Variants in FGF12 observed in about 807,000 individuals in gnomAD.
The protein encoded by FGF12 is fibroblast growth factor 12, also known as fibroblast growth factor 12B.
FGF12 carries 14 observed loss-of-function variants against 23.6 expected under a neutral mutation model. The ratio of observed to expected loss-of-function variants is 0.59; its 90% CI spans 0.39 to 0.93. The LOEUF (loss-of-function observed/expected upper bound fraction) is 0.93, where lower values mean the gene tolerates loss of function less well. FGF12 is among the 40% of genes least tolerant of loss of function. The probability of loss-of-function intolerance (pLI) is 0.00; values close to 1 mark genes in which losing one functional copy is unlikely to be tolerated. For synonymous variants in FGF12, 62 were observed against 77.3 expected (o/e 0.80, Z 1.04); for missense variants, 175 against 217.8 (o/e 0.80, Z 1.24).
At chr3:192,547,539 C>A (rs757129124) in intron 2 of FGF12, among the ~76,000 whole-genome samples, 20 of 152,084 alleles carry the variant, frequency 1.3e-4, no homozygotes, top group Non-Finnish European at 2.5e-4. Flanking sequence ...AGGTTATTAT[C>A]TTTACAATGG....
At chr3:192,155,396 A>C (rs1004010555) in intron 5 of FGF12, among the ~76,000 whole-genome samples, 11 of 152,334 alleles carry the variant, frequency 7.2e-5, no homozygotes, top group Non-Finnish European at 1.2e-4. Context: ...CGTAGGAATA[A>C]ATCTAGCTGA....
rs186374886 is a variant in FGF12 at position 192,353,981 on chromosome 3, T to A, written c.124+6447A>T. On this transcript the variant is annotated intron_variant, in intron 3 of 5. Coordinates refer to ENST00000445105, the MANE Select transcript of FGF12 (RefSeq NM_004113.6). Reference sequence around the variant, plus strand: ...AATTTTCCTCAGCTAACCATTTGGATCATACTTCTGTTCATAGTTTAGCAA... The same window carrying A: ...AATTTTCCTCAGCTAACCATTTGGAACATACTTCTGTTCATAGTTTAGCAA... 4.1e-4 allele frequency among the ~76,000 whole-genome samples: 62 copies of A among 152,366 alleles called. No individual in the cohort carries two copies. The East Asian group carries it at 0.011, about 27-fold the overall frequency.
intron 2 of FGF12, among the ~76,000 whole-genome samples, chr3:192,582,465 C>T (rs986839619): frequency 2.0e-5 from 3 of 152,094 alleles, no homozygotes; most frequent in South Asian, 2.1e-4. Flanking sequence ...GATGGGCTGA[C>T]GTTTGACAAG....
Position 192,220,794 on chromosome 3 carries a change from A to G in FGF12, c.229-50138T>C, listed in dbSNP as rs1330992390. Among the ~76,000 whole-genome samples, 3 of 152,302 alleles carry G rather than the reference A, an allele frequency of 2.0e-5. No individual in the cohort carries two copies. In the East Asian group the frequency reaches 5.8e-4, roughly 29 times the overall value. On this transcript the variant is annotated intron_variant, in intron 4 of 5. Coordinates refer to ENST00000445105, the MANE Select transcript of FGF12 (RefSeq NM_004113.6). ...TTGGGGGTATAAATATGTTTTTTAAAAGTTTCTTTGAAGGATTTTTGAACA... is the reference window on the plus strand; with the variant it reads ...TTGGGGGTATAAATATGTTTTTTAAGAGTTTCTTTGAAGGATTTTTGAACA...
At position 192,714,513 on chromosome 3, in the gene FGF12, A is replaced by ATTTTTTTTTTTTTTT. The variant is rs770781442; in HGVS notation, c.13+12653_13+12667dup. Among the ~76,000 whole-genome samples, 64 of 99,754 alleles carry ATTTTTTTTTTTTTTT rather than the reference A, an allele frequency of 6.4e-4. 7 individuals carry two copies. The highest frequency in any genetic ancestry group is 2.5e-3 in the African/African-American group (60 of 23,682). The allele number at this position is 99,754 out of a possible 152,430, so 65.4% of individuals were successfully genotyped here. A position where few individuals can be genotyped will look rare whatever the true frequency, so the allele number is the denominator to read the frequency against. On this transcript the variant is annotated intron_variant, in intron 2 of 5. Coordinates refer to ENST00000445105, the MANE Select transcript of FGF12 (RefSeq NM_004113.6). Reference sequence around the variant, plus strand: ...CTTATTTATAGATCTTAAGGAAATAATTTTTTTTTTTTTTTTTTTTTTTGA... The same window carrying ATTTTTTTTTTTTTTT: ...CTTATTTATAGATCTTAAGGAAATAATTTTTTTTTTTTTTTTTTTTTTTTTTTTTTTTTTTTTTGA...
At chr3:192,278,917 G>A (rs1713968429) in intron 4 of FGF12, among the ~76,000 whole-genome samples, 1 of 150,504 alleles carries the variant, frequency 6.6e-6, no homozygotes, top group Non-Finnish European at 1.5e-5. Flanking sequence ...AGTCATGGTG[G>A]TTGGTTTGGG....
intron 3 of FGF12, among the ~76,000 whole-genome samples, chr3:192,355,498 C>T (rs921587630): frequency 1.3e-5 from 2 of 152,130 alleles, no homozygotes; most frequent in African/African-American, 4.8e-5. Flanking sequence ...CAATGACTTC[C>T]AATGAATATC....
intron 2 of FGF12, among the ~76,000 whole-genome samples, chr3:192,602,951 TAA>T (rs2108632802): frequency 6.6e-6 from 1 of 152,160 alleles, no homozygotes; most frequent in African/African-American, 2.4e-5. Context: ...ACCATCTCAA[TAA>T]ACACAGGAAA....
At chr3:192,354,857 C>T (rs1158193197) in intron 3 of FGF12, among the ~76,000 whole-genome samples, 1 of 152,118 alleles carries the variant, frequency 6.6e-6, no homozygotes, top group East Asian at 1.9e-4. Context: ...AGGCATGCAC[C>T]ACCGTGCCTG....
chr3:192,523,198 T>G (rs1011460201), intron 2 of FGF12, among the ~76,000 whole-genome samples: 7 of 152,150 alleles, frequency 4.6e-5, no homozygotes, highest in Non-Finnish European at 1.0e-4. Context: ...CAGGATATAG[T>G]CTTGATGCCT....
At chr3:192,718,103 A>G (rs1718917395) in intron 2 of FGF12, among the ~76,000 whole-genome samples, 1 of 151,738 alleles carries the variant, frequency 6.6e-6, no homozygotes, top group East Asian at 1.9e-4. Context: ...ACTTCCTATC[A>G]ATAATGTCAG....
chr3:192,425,232 A>G (rs1434849241), intron 2 of FGF12, among the ~76,000 whole-genome samples: 1 of 152,138 alleles, frequency 6.6e-6, no homozygotes, highest in Non-Finnish European at 1.5e-5. Context: ...TAGTGGATGG[A>G]CCTGATATTT....
intron 5 of FGF12, among the ~76,000 whole-genome samples, chr3:192,147,488 G>A (rs1005113322): frequency 3.3e-5 from 5 of 152,300 alleles, no homozygotes; most frequent in Middle Eastern, 3.4e-3. Context: ...GAAACAAGGC[G>A]TAAGTGTTCT....
At chr3:192,189,459 G>A (rs1716662799) in intron 4 of FGF12, among the ~76,000 whole-genome samples, 1 of 152,108 alleles carries the variant, frequency 6.6e-6, no homozygotes, top group South Asian at 2.1e-4. Flanking sequence ...AAACTAAACT[G>A]TGCCTTCTCT....
chr3:192,574,909 AGAAACTGT>A (rs1341667102), intron 2 of FGF12, among the ~76,000 whole-genome samples: 2 of 152,234 alleles, frequency 1.3e-5, no homozygotes, highest in African/African-American at 4.8e-5. Context: ...TCTGGCCCAC[AGAAACTGT>A]GAGATAATGA....
chr3:192,182,904 G>A (rs1716258133), intron 4 of FGF12, among the ~76,000 whole-genome samples: 1 of 152,198 alleles, frequency 6.6e-6, no homozygotes, highest in Non-Finnish European at 1.5e-5. Flanking sequence ...CTGTAGGCAT[G>A]ACATAAAATT....
At chr3:192,258,889 C>T (rs970213639) in intron 4 of FGF12, among the ~76,000 whole-genome samples, 2 of 152,154 alleles carry the variant, frequency 1.3e-5, no homozygotes, top group African/African-American at 2.4e-5. Context: ...ATATGCGTCA[C>T]TAACGAATCA....
In FGF12 at chr3:192,553,917, C is replaced by T. The variant is rs560316911; in HGVS notation, c.13+173264G>A. 3.9e-5 allele frequency among the ~76,000 whole-genome samples: 6 copies of T among 152,308 alleles called. No individual in the cohort carries two copies. The East Asian group carries it at 7.7e-4, about 20-fold the overall frequency. ...GTAATGGTTTAGACTAACAAACACTCGCTCACCAAAATTCTATACCCTTCC... is the reference window on the plus strand; with the variant it reads ...GTAATGGTTTAGACTAACAAACACTTGCTCACCAAAATTCTATACCCTTCC... On this transcript the variant is annotated intron_variant, in intron 2 of 5. Transcript: ENST00000445105.
At chr3:192,577,357 T>A (rs1179714326) in intron 2 of FGF12, among the ~76,000 whole-genome samples, 1 of 152,220 alleles carries the variant, frequency 6.6e-6, no homozygotes, top group African/African-American at 2.4e-5. Context: ...AATCTTTTTT[T>A]AAATGAACAA....
Sources: gnomAD v4.1 joint callset for allele counts (sites outside exome capture counted in the v4.1 genomes callset) on GRCh38, gnomAD v4.1.1 for gene constraint, MANE v1.5 for transcripts, NCBI Gene and HGNC (gene_info 2026-07-23, HGNC 2026-07-21) for gene names.